The following ABCD2 variants were observed in gnomAD, a reference collection of about 807,000 sequenced individuals.
ABCD2 encodes ATP-binding cassette sub-family D member 2.
ABCD2 carries 36 observed loss-of-function variants against 70.9 expected under a neutral mutation model. The ratio of observed to expected loss-of-function variants is 0.51; its 90% CI spans 0.39 to 0.67. ABCD2 has a LOEUF of 0.67. ABCD2 is among the 30% of genes least tolerant of loss of function. The probability of loss-of-function intolerance (pLI) is 0.00; values close to 1 mark genes in which losing one functional copy is unlikely to be tolerated. For missense variants in ABCD2, 729 were observed against 890.2 expected, an observed-to-expected ratio of 0.82 and a Z score of 2.30; for synonymous variants, 304 against 306.9, an observed-to-expected ratio of 0.99 and a Z score of 0.10.
Position 39,603,907 on chromosome 12 carries a change from C to T in ABCD2, c.1500+5G>A. 6.3e-7 allele frequency: 1 copy of T among 1,597,800 alleles called. No individual in the cohort carries two copies. The highest frequency in any genetic ancestry group is 8.6e-7 in the Non-Finnish European group (1 of 1,166,116). Reference sequence around the variant, plus strand: ...CAATCAGAAGATTCTTGAATATCATCTTACTTTGAAGTTTAGCCTGGAAGC... The same window carrying T: ...CAATCAGAAGATTCTTGAATATCATTTTACTTTGAAGTTTAGCCTGGAAGC... On this transcript the variant is annotated splice_donor_5th_base_variant and intron_variant, in intron 5 of 9. Coordinates refer to ENST00000308666, the MANE Select transcript of ABCD2 (RefSeq NM_005164.4).
chr12:39,569,022 T>G (rs1941404611), intron 9 of ABCD2, among the ~76,000 whole-genome samples: 1 of 152,162 alleles, frequency 6.6e-6, no homozygotes, highest in Non-Finnish European at 1.5e-5. Context: ...CTGTGTGTGG[T>G]GTAAGTCTGC....
Position 39,553,003 on chromosome 12 carries a change from G to A in ABCD2, c.*909C>T, listed in dbSNP as rs187059469. The A allele has an allele frequency of 6.6e-6, 1 of 151,882 alleles. No individual in the cohort carries two copies. Among genetic ancestry groups the A allele is most frequent in the Non-Finnish European group, 1.5e-5 (1 of 67,844 alleles). 9.4% of individuals were successfully genotyped at this position (151,882 alleles called of 1,614,324 possible). ...ACATTAAGGTGAAATGATGTAAATG[G>A]GGATTGTAAATTATAAAGTACTATT... is the stretch of plus-strand genomic sequence containing the variant. On this transcript the variant is annotated 3_prime_UTR_variant, in exon 10 of 10. Transcript: ENST00000308666.
chr12:39,580,053 A>G (rs999186018), intron 7 of ABCD2, among the ~76,000 whole-genome samples: 1 of 152,214 alleles, frequency 6.6e-6, no homozygotes, highest in African/African-American at 2.4e-5. Context: ...TTCTCTTATC[A>G]TATATTTCAC....
intron 7 of ABCD2, among the ~76,000 whole-genome samples, chr12:39,581,184 C>T (rs570849200): frequency 6.6e-6 from 1 of 152,050 alleles, no homozygotes; most frequent in South Asian, 2.1e-4. Flanking sequence ...TGGAAGGCAA[C>T]AGGAATTGGA....
At chr12:39,582,535 T>G (rs1941610126) in intron 7 of ABCD2, among the ~76,000 whole-genome samples, 1 of 152,186 alleles carries the variant, frequency 6.6e-6, no homozygotes, top group African/African-American at 2.4e-5. Context: ...TTCATGTTTA[T>G]TCTAAATTTC....
rs900263230 is a variant in ABCD2, at chr12:39,586,248, A to C, written c.1696T>G (p.Ser566Ala). The C allele has an allele frequency of 6.2e-7, 1 of 1,613,654 alleles. No individual in the cohort carries two copies. Among genetic ancestry groups the C allele is most frequent in the East Asian group, 2.2e-5 (1 of 44,842 alleles). ...SLRDQVIYPD[S>A]VDDMHDKGYT... ...CCTTTATCATGCATATCATCCACTG[A>C]ATCAGGGTAAATGACTTGATCCCGA... The change falls in exon 7 of 10, where the codon TCA becomes GCA. Residue 566 changes from serine to alanine, a missense_variant. Around this residue, in one of 3 missense-constraint regions of ABCD2, gnomAD observed 289 missense variants for 328.8 expected, o/e 0.88. Transcript: ENST00000308666.
downstream of ABCD2, among the ~76,000 whole-genome samples, chr12:39,549,399 G>GTAAA (rs1207865360): frequency 6.6e-6 from 1 of 151,868 alleles, no homozygotes; most frequent in Non-Finnish European, 1.5e-5. Flanking sequence ...TATTGATATA[G>GTAAA]TAAAATATTT....
intron 9 of ABCD2, among the ~76,000 whole-genome samples, chr12:39,566,937 G>T (rs569573119): frequency 6.6e-6 from 1 of 152,146 alleles, no homozygotes; most frequent in African/African-American, 2.4e-5. Flanking sequence ...GTAGTTTAGC[G>T]GTTTTGAGTG....
intron 9 of ABCD2, among the ~76,000 whole-genome samples, chr12:39,559,111 GCCTGTAATCCCATCACTTCGGGAGGCT>G (rs1941213326): frequency 6.6e-6 from 1 of 152,106 alleles, no homozygotes; most frequent in South Asian, 2.1e-4. Flanking sequence ...GGTGGCTCAT[GCCTGTAATCCCATCACTTCGGGAGGCT>G]GAGGTGGGTG....
At chr12:39,593,826 T>A (rs558516352) in intron 6 of ABCD2, among the ~76,000 whole-genome samples, 11 of 152,340 alleles carry the variant, frequency 7.2e-5, no homozygotes, top group African/African-American at 2.2e-4. Flanking sequence ...ATTAAGGGAC[T>A]ATTTTTGAAA....
chr12:39,613,018 T>C (rs186602585), intron 2 of ABCD2, among the ~76,000 whole-genome samples: 57 of 152,300 alleles, frequency 3.7e-4, no homozygotes, highest in Admixed American at 1.3e-3. Context: ...AGTAACCTCA[T>C]AGCTTTCACT....
At chr12:39,533,445 T>C in the ABCD2 span, among the ~76,000 whole-genome samples, 2 of 152,180 alleles carry the variant, frequency 1.3e-5, no homozygotes, top group Non-Finnish European at 2.9e-5. Context: ...GGCAGAACAA[T>C]TGATGAGCCC....
In ABCD2 at chr12:39,573,789, C is replaced by T. The variant is rs749204245; in HGVS notation, c.1930G>A (p.Glu644Lys). The T allele has an allele frequency of 3.7e-6, 6 of 1,613,142 alleles. No homozygotes were observed. The highest frequency in any genetic ancestry group is 1.3e-5 in the African/African-American group (1 of 74,892). Residue 644 changes from glutamate to lysine, a missense_variant, in exon 9 of 10, where the codon GAA (glutamate) becomes AAA (lysine). This residue lies in a region of ABCD2 where 289 missense variants were observed against 328.8 expected (regional missense o/e 0.88). Coordinates refer to ENST00000308666, the MANE Select transcript of ABCD2 (RefSeq NM_005164.4). ...TTTGCAGCCTGAAATATCTTTCCTT[C>T]GACATCAATGCTGACAGCACTGGTA... Reference protein sequence around the residue: ...ECTSAVSIDVEGKIFQAAKGA... With the variant: ...ECTSAVSIDVKGKIFQAAKGA...
At chr12:39,570,093 A>G (rs1941425000) in intron 9 of ABCD2, among the ~76,000 whole-genome samples, 1 of 152,282 alleles carries the variant, frequency 6.6e-6, no homozygotes, top group African/African-American at 2.4e-5. Context: ...AGACACACAT[A>G]CACAAATAAA....
the ABCD2 span, among the ~76,000 whole-genome samples, chr12:39,535,786 ATTGAAAAGTAGCC>A: frequency 6.6e-6 from 1 of 152,236 alleles, no homozygotes; most frequent in Admixed American, 6.5e-5. Context: ...TAATGCCATA[ATTGAAAAGTAGCC>A]TTAAGTAAAT....
chr12:39,597,713 C>T (rs1941835928), intron 6 of ABCD2, among the ~76,000 whole-genome samples: 1 of 152,144 alleles, frequency 6.6e-6, no homozygotes, highest in South Asian at 2.1e-4. Flanking sequence ...TTTTAACATC[C>T]ACCATTCCAT....
At position 39,605,913 on chromosome 12, in the gene ABCD2, C is replaced by G. The variant is rs555430308; in HGVS notation, c.1237-983G>C. Reference sequence around the variant, plus strand: ...AAATGAGTATGTATTATTATAAAAGCCTTCTGAAACACATCTCTACTGAGA... The same window carrying G: ...AAATGAGTATGTATTATTATAAAAGGCTTCTGAAACACATCTCTACTGAGA... On this transcript the variant is annotated intron_variant, in intron 3 of 9. Coordinates refer to ENST00000308666, the MANE Select transcript of ABCD2 (RefSeq NM_005164.4). Among the ~76,000 whole-genome samples, 5 of 152,158 alleles carry G rather than the reference C, an allele frequency of 3.3e-5. No individual in the cohort carries two copies. In the East Asian group the frequency reaches 9.7e-4, roughly 29 times the overall value.
chr12:39,534,905 AAAGAAAGAAAG>A, the ABCD2 span, among the ~76,000 whole-genome samples: 1 of 87,258 alleles, frequency 1.1e-5, no homozygotes, highest in Non-Finnish European at 2.1e-5. Context: ...AGAAAGAAAG[AAAGAAAGAAAG>A]AAAGAAAGAA....
At chr12:39,543,359 C>T in the ABCD2 span, among the ~76,000 whole-genome samples, 3 of 152,286 alleles carry the variant, frequency 2.0e-5, no homozygotes, top group Admixed American at 6.5e-5. Context: ...AGTATAATTT[C>T]TGTTGCCGCT....
Sources: gnomAD v4.1 joint callset for allele counts (sites outside exome capture counted in the v4.1 genomes callset) on GRCh38, gnomAD v4.1.1 for gene constraint, gnomAD v4.1.1 regional missense constraint, MANE v1.5 for transcripts, NCBI Gene and HGNC (gene_info 2026-07-23, HGNC 2026-07-21) for gene names.